Variants in KIAA1671 observed in about 807,000 individuals in gnomAD.
KIAA1671 encodes uncharacterized protein KIAA1671.
Under a neutral mutation model 131.2 loss-of-function variants are expected in KIAA1671, and 52 were observed. That is an observed-to-expected ratio of 0.40 (90% confidence interval 0.32 to 0.50). The LOEUF is 0.50. KIAA1671 is among the 20% of genes least tolerant of loss of function. The pLI, the probability that KIAA1671 is intolerant of heterozygous loss-of-function variation, is 0.73. For synonymous variants in KIAA1671, 1,003 were observed against 961.6 expected, an observed-to-expected ratio of 1.04 and a Z score of -0.80; for missense variants, 2,360 against 2,364.2, an observed-to-expected ratio of 1.00 and a Z score of 0.04.
chr22:25,036,037 C>G (rs1310122651), intron 4 of KIAA1671, among the ~76,000 whole-genome samples: 1 of 152,172 alleles, frequency 6.6e-6, no homozygotes, highest in Non-Finnish European at 1.5e-5. Context: ...TACCACTGCA[C>G]TCCAACCTGG....
chr22:24,981,097 GT>G (rs1923214093), intron 1 of KIAA1671, among the ~76,000 whole-genome samples: 1 of 148,272 alleles, frequency 6.7e-6, no homozygotes, highest in Non-Finnish European at 1.5e-5. Flanking sequence ...TGTTTTTACT[GT>G]ATCTATTCTT....
intron 1 of KIAA1671, among the ~76,000 whole-genome samples, chr22:24,986,718 CCCATCCATCCAT>C (rs899482265): frequency 2.1e-5 from 3 of 146,232 alleles, no homozygotes; most frequent in Admixed American, 6.9e-5. Context: ...CACCCACCCA[CCCATCCATCCAT>C]CCATCCATCA....
intron 1 of KIAA1671, among the ~76,000 whole-genome samples, chr22:25,016,389 C>G (rs1213839311): frequency 6.6e-6 from 1 of 152,172 alleles, no homozygotes; most frequent in African/African-American, 2.4e-5. Context: ...TGTTCTCCCT[C>G]CGGGGAATGT....
chr22:25,005,279 C>T (rs933260755), intron 1 of KIAA1671, among the ~76,000 whole-genome samples: 17 of 144,298 alleles, frequency 1.2e-4, no homozygotes, highest in African/African-American at 4.4e-4. Context: ...ACCCGGGAGG[C>T]GGAGGTTGCA....
chr22:25,138,388 G>C (rs558702057), intron 6 of KIAA1671, among the ~76,000 whole-genome samples: 1 of 152,176 alleles, frequency 6.6e-6, no homozygotes, highest in Non-Finnish European at 1.5e-5. Context: ...GAGACCAAGA[G>C]GGGTATATAA....
At chr22:25,105,667 G>A (rs1930961851) in intron 6 of KIAA1671, among the ~76,000 whole-genome samples, 1 of 152,182 alleles carries the variant, frequency 6.6e-6, no homozygotes, top group African/African-American at 2.4e-5. Context: ...ATCTGGCTTT[G>A]TAGCTCACTT....
intron 1 of KIAA1671, among the ~76,000 whole-genome samples, chr22:24,970,509 G>T (rs1480965030): frequency 6.6e-6 from 1 of 152,108 alleles, no homozygotes; most frequent in Non-Finnish European, 1.5e-5. Flanking sequence ...TCTATAAAAT[G>T]AGGCTAATGG....
At chr22:24,964,423 C>CT (rs200772840) in intron 1 of KIAA1671, among the ~76,000 whole-genome samples, 2,509 of 148,966 alleles carry the variant, frequency 0.017, 63 homozygotes, top group African/African-American at 0.057. Flanking sequence ...TTCCTATGTA[C>CT]TTTTTTTTTT....
At chr22:24,996,416 C>T (rs906459234) in intron 1 of KIAA1671, among the ~76,000 whole-genome samples, 4 of 152,082 alleles carry the variant, frequency 2.6e-5, no homozygotes, top group Non-Finnish European at 4.4e-5. Context: ...CCTGGGTTGG[C>T]CACTGGAATT....
At chr22:25,069,273 T>C (rs6004420) in intron 6 of KIAA1671, among the ~76,000 whole-genome samples, 60,646 of 152,082 alleles carry the variant, frequency 0.4, 13,614 homozygotes, top group African/African-American at 0.61. Flanking sequence ...AGGGATAATT[T>C]GTCGCATTTT....
Position 25,093,774 on chromosome 22 carries a change from C to G in KIAA1671, c.4530+44410C>G, listed in dbSNP as rs866190652. On this transcript the variant is annotated intron_variant, in intron 6 of 12. Coordinates refer to ENST00000358431, the MANE Select transcript of KIAA1671 (RefSeq NM_001145206.2). ...TCTCTCTCTCTCTCTCTCTGTCTCT[C>G]TCTCTCTCTCTCTCTCTCTCTCTCT... Among the ~76,000 whole-genome samples, 796 of 104,472 alleles carry G rather than the reference C, an allele frequency of 7.6e-3. 14 individuals carry two copies. Among genetic ancestry groups the G allele is most frequent in the South Asian group, 0.012 (36 of 2,988 alleles). The allele number at this position is 104,472 out of a possible 152,430, so 68.5% of individuals were successfully genotyped here.
At chr22:25,152,357 G>A (rs770349313) in intron 6 of KIAA1671, among the ~76,000 whole-genome samples, 1 of 152,084 alleles carries the variant, frequency 6.6e-6, no homozygotes, top group Non-Finnish European at 1.5e-5. Context: ...CATTTTCATG[G>A]CCATTTACAT....
At chr22:25,090,110 G>T (rs1006652253) in intron 6 of KIAA1671, among the ~76,000 whole-genome samples, 1 of 152,244 alleles carries the variant, frequency 6.6e-6, no homozygotes, top group African/African-American at 2.4e-5. Context: ...CATCTGTGAG[G>T]ATCCAGGGAG....
chr22:24,992,575 G>A (rs924801701), intron 1 of KIAA1671, among the ~76,000 whole-genome samples: 6 of 152,096 alleles, frequency 3.9e-5, no homozygotes, highest in Non-Finnish European at 8.8e-5. Context: ...AGCACTTTGG[G>A]AGGCTGAGGT....
chr22:25,011,629 CTTTTCTTTTTTTTT>C (rs1569205559), intron 1 of KIAA1671: 3 of 135,884 alleles, frequency 2.2e-5, no homozygotes, highest in Non-Finnish European at 3.1e-5. Flanking sequence ...TCTTTCTTTT[CTTTTCTTTTTTTTT>C]TTTTTTTTTT....
At chr22:25,057,501 T>G (rs1417424868) in intron 6 of KIAA1671, 1 of 151,392 alleles carries the variant, frequency 6.6e-6, no homozygotes, top group African/African-American at 2.4e-5. Flanking sequence ...GAGGCTCCCC[T>G]CACTGTTGGA....
chr22:25,145,959 AAC>A (rs1420140141), intron 6 of KIAA1671, among the ~76,000 whole-genome samples: 3 of 152,016 alleles, frequency 2.0e-5, no homozygotes, highest in Non-Finnish European at 2.9e-5. Context: ...AAAAAAAAAA[AAC>A]AACAACAAGC....
rs1271310566 is a variant in KIAA1671 at position 25,040,991 on chromosome 22, C to T, written c.3861C>T (p.Ala1287=). Residue 1287 remains alanine, a synonymous_variant, in exon 5 of 13, where the codon GCC becomes GCT. Transcript: ENST00000358431. ...AGCTGGCAGAGACCTTGGAGACAGC[C>T]ATGGGCACCAAATCTAGCCCTCCCT... ...GKQLAETLET[A]MGTKSSPPFW... is the part of the protein sequence containing the mutation. 2.7e-6 allele frequency: 4 copies of T among 1,476,456 alleles called. No individual in the cohort carries two copies. In the Admixed American group the frequency reaches 1.0e-4, roughly 38 times the overall value. The allele number at this position is 1,476,456 out of a possible 1,614,324, so 91.5% of individuals were successfully genotyped here.
chr22:25,158,632 G>A (rs2145990157), intron 6 of KIAA1671, among the ~76,000 whole-genome samples: 1 of 152,264 alleles, frequency 6.6e-6, no homozygotes, highest in South Asian at 2.1e-4. Context: ...TACTTCCTGG[G>A]TAAAACTGCA....
Sources: gnomAD v4.1 joint callset for allele counts (sites outside exome capture counted in the v4.1 genomes callset) on GRCh38, gnomAD v4.1.1 for gene constraint, MANE v1.5 for transcripts, NCBI Gene and HGNC (gene_info 2026-07-23, HGNC 2026-07-21) for gene names.